Variants in ADAMDEC1 observed in about 807,000 individuals in gnomAD.
ADAMDEC1 encodes the protein ADAM like decysin 1, also known as ADAM DEC1.
Under a neutral mutation model 60.4 loss-of-function variants are expected in ADAMDEC1, and 62 were observed. The observed-to-expected ratio is 1.03, with a 90% CI of 0.84 to 1.27. The LOEUF (loss-of-function observed/expected upper bound fraction) is 1.27, where lower values mean the gene tolerates loss of function less well. Among genes scored for constraint, ADAMDEC1 ranks in the 50% most tolerant of loss-of-function variants. The pLI is 0.00. For missense variants in ADAMDEC1, 595 were observed against 565.0 expected, an observed-to-expected ratio of 1.05 and a Z score of -0.54; for synonymous variants, 210 against 195.1, an observed-to-expected ratio of 1.08 and a Z score of -0.64.
At chr8:24,387,893 A>G (rs142070518) in intron 1 of ADAMDEC1, 1 of 152,682 alleles carries the variant, frequency 6.5e-6, no homozygotes, top group East Asian at 1.9e-4. Flanking sequence ...TATGCACTGT[A>G]AGAGCAGCTA....
chr8:24,392,117 A>G (rs1446138312), intron 1 of ADAMDEC1, 145 bp from the exon 2 acceptor site: 5 of 498,834 alleles, frequency 1.0e-5, no homozygotes, highest in Non-Finnish European at 1.7e-5. Flanking sequence ...ACGACAATTA[A>G]CTTGTTATTC....
At position 24,393,304 on chromosome 8, in the gene ADAMDEC1, G is replaced by A. The variant is rs766515561; in HGVS notation, c.250G>A (p.Gly84Arg). The A allele has an allele frequency of 1.9e-6, 3 of 1,605,422 alleles. No individual in the cohort carries two copies. In the East Asian group the frequency reaches 6.7e-5, roughly 36 times the overall value. The change falls in exon 3 of 14, where the codon GGA becomes AGA. Residue 84 changes from glycine to arginine, a missense_variant. By Grantham distance (125) the Gly-to-Arg change is moderately radical (BLOSUM62 -2). Coordinates refer to ENST00000256412, the MANE Select transcript of ADAMDEC1 (RefSeq NM_014479.3). ...AGTTCAATATCAGATGATCTTAAAT[G>A]GAGAAGAAATCATTCTCTCCCTACA... Reference protein sequence around the residue: ...PEVQYQMILNGEEIILSLQKT... With the variant: ...PEVQYQMILNREEIILSLQKT...
At chr8:24,395,333 C>G (rs1293880580) in intron 4 of ADAMDEC1, among the ~76,000 whole-genome samples, 5 of 152,192 alleles carry the variant, frequency 3.3e-5, no homozygotes, top group African/African-American at 7.2e-5. Flanking sequence ...CACTGACCCC[C>G]AAACCTGAGG....
rs1399231155 is a variant in ADAMDEC1, at chr8:24,402,093, G to T, written c.1320+1G>T. ...AGACTGTGATTGTGGCTCTCCTAAG[G>T]TATTATTTATTAGAATTATTGGGGC... On this transcript the variant is annotated splice_donor_variant, in intron 12 of 13. Transcript: ENST00000256412. LOFTEE classifies it high-confidence loss of function. 6.3e-7 allele frequency: 1 copy of T among 1,591,102 alleles called. No individual in the cohort carries two copies. The highest frequency in any genetic ancestry group is 8.5e-7 in the Non-Finnish European group (1 of 1,170,266).
chr8:24,394,180 AG>A, intron 4 of ADAMDEC1, 33 bp downstream of exon 4: 1 of 1,521,488 alleles, frequency 6.6e-7, no homozygotes, highest in Non-Finnish European at 9.1e-7. Context: ...GTCTCTTTTG[AG>A]TTTTAGATGT....
At position 24,384,325 on chromosome 8, in the gene ADAMDEC1, A is replaced by C. The variant is rs924013424; in HGVS notation, c.-180A>C. 5.2e-6 allele frequency: 3 copies of C among 578,982 alleles called. No homozygotes were observed. Among genetic ancestry groups the C allele is most frequent in the Non-Finnish European group, 9.1e-6 (3 of 329,884 alleles). The allele number at this position is 578,982 out of a possible 1,614,324, so 35.9% of individuals were successfully genotyped here. A position where few individuals can be genotyped will look rare whatever the true frequency, so the allele number is the denominator to read the frequency against. ...ATGAGCTATAACCACAGCCATAAATATCTCTCAAAGATGAGGAACATTCTC... is the reference window on the plus strand; with the variant it reads ...ATGAGCTATAACCACAGCCATAAATCTCTCTCAAAGATGAGGAACATTCTC... On this transcript the variant is annotated 5_prime_UTR_variant, in exon 1 of 14. Transcript: ENST00000256412.
At chr8:24,386,166 A>G (rs1817286684) in intron 1 of ADAMDEC1, among the ~76,000 whole-genome samples, 1 of 152,194 alleles carries the variant, frequency 6.6e-6, no homozygotes. Context: ...ATTACTTTAG[A>G]TAACCCAATA....
chr8:24,385,076 G>C (rs1230350520), intron 1 of ADAMDEC1, among the ~76,000 whole-genome samples: 1 of 151,982 alleles, frequency 6.6e-6, no homozygotes, highest in Non-Finnish European at 1.5e-5. Context: ...AACCCTTTTT[G>C]TCTTTGAGAT....
Position 24,397,723 on chromosome 8 carries a change from A to G in ADAMDEC1, c.668A>G (p.Tyr223Cys). 1.2e-6 allele frequency: 2 copies of G among 1,613,562 alleles called. No individual in the cohort carries two copies. Among genetic ancestry groups the G allele is most frequent in the Non-Finnish European group, 8.5e-7 (1 of 1,179,692 alleles). The change falls in exon 7 of 14, where the codon TAT becomes TGT. Residue 223 changes from tyrosine (Y) to cysteine (C), a missense_variant. By Grantham distance (194) the Tyr-to-Cys change is radical. Transcript: ENST00000256412. ...FLRAQKYIDL[Y>C]LVLDNAFYKN... is the part of the protein sequence containing the mutation. ...CGGGCACAGAAATACATTGATCTCTATTTGGTGCTGGATAATGCCTTTGTG... is the reference window on the plus strand; with the variant it reads ...CGGGCACAGAAATACATTGATCTCTGTTTGGTGCTGGATAATGCCTTTGTG...
At chr8:24,388,048 G>C (rs778592701) in intron 1 of ADAMDEC1, 1 of 152,456 alleles carries the variant, frequency 6.6e-6, no homozygotes, top group Non-Finnish European at 1.5e-5. Flanking sequence ...TTCAGGGAAC[G>C]TCAGGTGTGC....
Position 24,402,530 on chromosome 8 carries a change from TCA to T in ADAMDEC1, c.1320+441_1320+442del, listed in dbSNP as rs1585816628. ...GAAGAAAGAGGAAAAGAAAAAATAA[TCA>T]CAAAAATCTGTAGAAAATAGGCTAT... On this transcript the variant is annotated intron_variant, in intron 12 of 13. Transcript: ENST00000256412. 3.3e-5 allele frequency among the ~76,000 whole-genome samples: 5 copies of T among 152,086 alleles called. No homozygotes were observed. The East Asian group carries it at 9.7e-4, about 29-fold the overall frequency.
At chr8:24,398,597 TCTG>T in intron 8 of ADAMDEC1, 46 bp downstream of exon 8, 1 of 1,384,612 alleles carries the variant, frequency 7.2e-7, no homozygotes, top group Non-Finnish European at 1.0e-6. Context: ...ATAGGGAAGT[TCTG>T]CCTGGAACTT....
Position 24,397,475 on chromosome 8 carries a change from C to T in ADAMDEC1, c.627+19C>T. Reference sequence around the variant, plus strand: ...CCCAGAGGTGAATACAATTCCCTTACCTCATCATTTACTTCAATTGTCTCA... The same window carrying T: ...CCCAGAGGTGAATACAATTCCCTTATCTCATCATTTACTTCAATTGTCTCA... On this transcript the variant is annotated intron_variant, in intron 6 of 13. Coordinates refer to ENST00000256412, the MANE Select transcript of ADAMDEC1 (RefSeq NM_014479.3). 6.2e-7 allele frequency: 1 copy of T among 1,607,822 alleles called. No individual in the cohort carries two copies. The highest frequency in any genetic ancestry group is 8.5e-7 in the Non-Finnish European group (1 of 1,178,278).
At chr8:24,398,602 C>A in intron 8 of ADAMDEC1, 51 bp downstream of exon 8, 1 of 1,287,400 alleles carries the variant, frequency 7.8e-7, no homozygotes, top group Non-Finnish European at 1.1e-6. Context: ...GAAGTTCTGC[C>A]TGGAACTTCC....
chr8:24,386,830 G>T (rs1236763851), intron 1 of ADAMDEC1, among the ~76,000 whole-genome samples: 1 of 152,172 alleles, frequency 6.6e-6, no homozygotes, highest in Non-Finnish European at 1.5e-5. Flanking sequence ...GCTGACCGAT[G>T]AAGTGAGTAC....
intron 11 of ADAMDEC1, among the ~76,000 whole-genome samples, chr8:24,400,652 T>TATATATATATATATATATATATATATA (rs1817740529): frequency 1.3e-5 from 2 of 149,478 alleles, no homozygotes; most frequent in African/African-American, 5.0e-5. Flanking sequence ...TATATATATA[T>TATATATATATATATATATATATATATA]TATACTTTAA....
At chr8:24,405,201 T>C in intron 13 of ADAMDEC1, 91 bp from the exon 14 acceptor site, 10 of 1,254,238 alleles carry the variant, frequency 8.0e-6, no homozygotes, top group Non-Finnish European at 1.1e-5. Context: ...TCACATAATT[T>C]AAATTCTATA....
chr8:24,394,975 G>A (rs1817568394), intron 4 of ADAMDEC1, among the ~76,000 whole-genome samples: 2 of 152,214 alleles, frequency 1.3e-5, no homozygotes, highest in South Asian at 2.1e-4. Flanking sequence ...AAAGACCATA[G>A]ATGGAATTTC....
rs1469947197 is a variant in ADAMDEC1, at chr8:24,398,517, GC to G, written c.729del (p.Phe244LeufsTer5). ...AATGAGAATCTAACTCTGATAAGAA[GC>G]TTTGTGTTTGATGTGATGAACCTAC... ...NYNENLTLIR[S>X]FVFDVMNLLN... is the part of the protein sequence containing the mutation. On this transcript the variant is annotated frameshift_variant, in exon 8 of 14. Coordinates refer to ENST00000256412, the MANE Select transcript of ADAMDEC1 (RefSeq NM_014479.3). LOFTEE classifies it high-confidence loss of function. 1 of 1,601,578 alleles carries G rather than the reference GC, an allele frequency of 6.2e-7. No homozygotes were observed. The highest frequency in any genetic ancestry group is 8.5e-7 in the Non-Finnish European group (1 of 1,171,970).
Sources: allele counts gnomAD v4.1 joint callset (sites outside exome capture counted in the v4.1 genomes callset), GRCh38; gene constraint gnomAD v4.1.1; transcripts MANE v1.5; gene names NCBI Gene and HGNC (gene_info 2026-07-23, HGNC 2026-07-21).